IMMP2L: variants seen among roughly 807,000 people sequenced by gnomAD.
IMMP2L encodes the protein mitochondrial inner membrane protease subunit 2.
In IMMP2L, 18 loss-of-function variants were observed where a neutral mutation model predicts 19.3. The observed-to-expected ratio is 0.93, with a 90% CI of 0.64 to 1.38. IMMP2L has a LOEUF of 1.38. IMMP2L is among the 40% of genes most tolerant of loss of function. The pLI is 0.00. For missense variants in IMMP2L, 233 were observed against 218.2 expected (o/e 1.07, Z -0.43); for synonymous variants, 76 against 73.0 (o/e 1.04, Z -0.21).
intron 4 of IMMP2L, among the ~76,000 whole-genome samples, chr7:110,935,774 C>T (rs1428183008): frequency 6.6e-6 from 1 of 152,158 alleles, no homozygotes; most frequent in Non-Finnish European, 1.5e-5. Context: ...AAGCTGGAAG[C>T]ATCATGCTAC....
chr7:111,163,137 T>A (rs1805450217), intron 3 of IMMP2L, among the ~76,000 whole-genome samples: 1 of 152,076 alleles, frequency 6.6e-6, no homozygotes, highest in Non-Finnish European at 1.5e-5. Flanking sequence ...GATGCAAACA[T>A]TCTGGGAGAC....
rs894803972 is a variant in IMMP2L at position 111,366,344 on chromosome 7, G to A, written c.239+120894C>T. Among the ~76,000 whole-genome samples, 971 of 117,642 alleles carry A rather than the reference G, an allele frequency of 8.3e-3. 11 individuals are homozygous for A. Among genetic ancestry groups the A allele is most frequent in the African/African-American group, 0.024 (785 of 32,328 alleles). 77.2% of individuals were successfully genotyped at this position (117,642 alleles called of 152,430 possible). ...AGAAGCATTCTATTAAAAAAAGAAAGAAAAAAAAAAAAAGAAAGAGCAAGG... is the reference window on the plus strand; with the variant it reads ...AGAAGCATTCTATTAAAAAAAGAAAAAAAAAAAAAAAAAGAAAGAGCAAGG... On this transcript the variant is annotated intron_variant, in intron 3 of 5. Transcript: ENST00000405709.
chr7:111,034,858 G>T (rs964649559), intron 3 of IMMP2L, among the ~76,000 whole-genome samples: 7 of 152,084 alleles, frequency 4.6e-5, no homozygotes, highest in African/African-American at 1.7e-4. Context: ...ACTCGTTCCA[G>T]CACCTACAAC....
intron 3 of IMMP2L, among the ~76,000 whole-genome samples, chr7:111,442,291 T>C (rs1418096247): frequency 6.6e-6 from 1 of 151,908 alleles, no homozygotes; most frequent in Non-Finnish European, 1.5e-5. Flanking sequence ...TCAGTGTAAC[T>C]ACACTAAGTA....
intron 3 of IMMP2L, chr7:111,392,069 G>C (rs1464079944): frequency 2.9e-6 from 2 of 691,248 alleles, no homozygotes; most frequent in Non-Finnish European, 5.3e-6. Flanking sequence ...TTTATATCCA[G>C]CATACAGCAA....
chr7:110,778,266 C>T (rs4142915), intron 5 of IMMP2L, among the ~76,000 whole-genome samples: 46,715 of 151,564 alleles, frequency 0.31, 8,808 homozygotes, highest in East Asian at 0.69. Context: ...CATATGTGAC[C>T]AAATATAAAA....
intron 3 of IMMP2L, among the ~76,000 whole-genome samples, chr7:111,058,839 TTGAAAATGGAGC>T (rs2129574242): frequency 6.6e-6 from 1 of 152,320 alleles, no homozygotes; most frequent in South Asian, 2.1e-4. Flanking sequence ...AACAAAACCA[TTGAAAATGGAGC>T]TGAAAACTAA....
chr7:111,486,065 T>C (rs1842630905), intron 3 of IMMP2L, among the ~76,000 whole-genome samples: 1 of 152,128 alleles, frequency 6.6e-6, no homozygotes, highest in African/African-American at 2.4e-5. Flanking sequence ...GCAAAAATAG[T>C]ACTCGGAATG....
intron 3 of IMMP2L, among the ~76,000 whole-genome samples, chr7:111,320,170 A>G (rs956080765): frequency 2.0e-5 from 3 of 152,056 alleles, no homozygotes; most frequent in Non-Finnish European, 2.9e-5. Flanking sequence ...GTCACAGAAC[A>G]TGTGGTCACA....
chr7:111,046,973 AGCTAAAGCAGATCTT>A (rs1337555944), intron 3 of IMMP2L, among the ~76,000 whole-genome samples: 2 of 152,156 alleles, frequency 1.3e-5, no homozygotes, highest in African/African-American at 4.8e-5. Flanking sequence ...TGGAAGCTAA[AGCTAAAGCAGATCTT>A]GCTAAAGCAA....
chr7:110,822,903 T>C (rs1803160873), intron 5 of IMMP2L, among the ~76,000 whole-genome samples: 1 of 152,112 alleles, frequency 6.6e-6, no homozygotes. Context: ...TTATTCTATG[T>C]CTTATTCAAG....
At chr7:111,264,849 C>T (rs1466330844) in intron 3 of IMMP2L, among the ~76,000 whole-genome samples, 1 of 151,960 alleles carries the variant, frequency 6.6e-6, no homozygotes, top group Non-Finnish European at 1.5e-5. Flanking sequence ...TTGGTACCCA[C>T]AGTTGTACAG....
chr7:111,024,290 G>C (rs185107637), intron 3 of IMMP2L, among the ~76,000 whole-genome samples: 3 of 152,296 alleles, frequency 2.0e-5, no homozygotes, highest in Admixed American at 2.0e-4. Context: ...TTTCCTTCCA[G>C]AGTCGAGTAG....
At chr7:111,532,064 TA>T (rs1847443382) in intron 1 of IMMP2L, among the ~76,000 whole-genome samples, 2 of 151,438 alleles carry the variant, frequency 1.3e-5, no homozygotes, top group Admixed American at 1.3e-4. Context: ...AGAAGTGAGA[TA>T]GGGGAAATAA....
At chr7:111,122,821 A>T (rs1800815627) in intron 3 of IMMP2L, 1 of 1,613,730 alleles carries the variant, frequency 6.2e-7, no homozygotes, top group African/African-American at 1.3e-5. Flanking sequence ...CCTAGCTATC[A>T]CTACACTAGT....
chr7:111,250,136 T>C (rs1815920746), intron 3 of IMMP2L, among the ~76,000 whole-genome samples: 1 of 152,132 alleles, frequency 6.6e-6, no homozygotes, highest in Non-Finnish European at 1.5e-5. Context: ...TGGTGAATTA[T>C]GAATGAACTC....
chr7:111,347,653 A>G (rs1827706590), intron 3 of IMMP2L, among the ~76,000 whole-genome samples: 1 of 152,032 alleles, frequency 6.6e-6, no homozygotes, highest in African/African-American at 2.4e-5. Context: ...ATATTTCCCA[A>G]TCACCTGAGA....
chr7:111,231,544 T>C (rs1209832655), intron 3 of IMMP2L, among the ~76,000 whole-genome samples: 1 of 152,006 alleles, frequency 6.6e-6, no homozygotes, highest in Non-Finnish European at 1.5e-5. Context: ...GGTTGCTGCC[T>C]GGTTTTTTTT....
chr7:111,201,409 C>T (rs181522540), intron 3 of IMMP2L, among the ~76,000 whole-genome samples: 5 of 152,086 alleles, frequency 3.3e-5, no homozygotes, highest in Admixed American at 1.3e-4. Flanking sequence ...CTAATCCCCA[C>T]TGCAATAGTA....
Sources: allele counts gnomAD v4.1 joint callset (sites outside exome capture counted in the v4.1 genomes callset), GRCh38; gene constraint gnomAD v4.1.1; transcripts MANE v1.5; gene names NCBI Gene and HGNC (gene_info 2026-07-23, HGNC 2026-07-21).